Variants in LRRC4C observed in about 807,000 individuals in gnomAD.
LRRC4C encodes leucine-rich repeat-containing protein 4C.
In LRRC4C, 5 loss-of-function variants were observed where a neutral mutation model predicts 33.6. The ratio of observed to expected loss-of-function variants is 0.15; its 90% confidence interval spans 0.08 to 0.31. LRRC4C has a LOEUF of 0.31. Ranked by LOEUF, LRRC4C falls within the 10% of genes least tolerant of loss-of-function variation. The probability of loss-of-function intolerance (pLI) is 1.00; values close to 1 mark genes in which losing one functional copy is unlikely to be tolerated. For missense variants in LRRC4C, 560 were observed against 796.7 expected (o/e 0.70, Z 3.58); for synonymous variants, 329 against 302.0 (o/e 1.09, Z -0.93).
intron 2 of LRRC4C, among the ~76,000 whole-genome samples, chr11:40,808,344 C>T (rs73470894): frequency 0.011 from 1,657 of 151,844 alleles, 32 homozygotes; most frequent in African/African-American, 0.038. Context: ...TGTTCTCCAC[C>T]CCTACTTATT....
At chr11:40,689,992 G>C (rs1440549655) in intron 2 of LRRC4C, among the ~76,000 whole-genome samples, 2 of 152,058 alleles carry the variant, frequency 1.3e-5, no homozygotes, top group East Asian at 3.9e-4. Flanking sequence ...AACATTTGCT[G>C]ATTGTGCAAT....
At chr11:41,156,062 A>G (rs1326199602) in intron 1 of LRRC4C, among the ~76,000 whole-genome samples, 3 of 152,120 alleles carry the variant, frequency 2.0e-5, no homozygotes, top group African/African-American at 7.2e-5. Flanking sequence ...GTAGGATTTA[A>G]TGATCTGAAT....
chr11:40,865,452 T>C (rs1315491967), intron 2 of LRRC4C, among the ~76,000 whole-genome samples: 1 of 151,732 alleles, frequency 6.6e-6, no homozygotes, highest in Non-Finnish European at 1.5e-5. Context: ...ACCACAAAAA[T>C]GATGACTATA....
chr11:41,128,909 C>T (rs899706687), intron 1 of LRRC4C, among the ~76,000 whole-genome samples: 1 of 151,940 alleles, frequency 6.6e-6, no homozygotes, highest in African/African-American at 2.4e-5. Context: ...GATTACCACA[C>T]TTGTTTAACT....
At chr11:40,866,948 C>A (rs1288481256) in intron 2 of LRRC4C, among the ~76,000 whole-genome samples, 1 of 151,892 alleles carries the variant, frequency 6.6e-6, no homozygotes, top group Non-Finnish European at 1.5e-5. Context: ...TCCTTTTGTT[C>A]CTTCGTCTTT....
chr11:40,586,246 G>A (rs1958735465), intron 3 of LRRC4C, among the ~76,000 whole-genome samples: 1 of 151,744 alleles, frequency 6.6e-6, no homozygotes, highest in Non-Finnish European at 1.5e-5. Flanking sequence ...ATTTTTTCAT[G>A]TGTTTTTTGG....
chr11:41,211,500 C>T (rs1405352606), intron 1 of LRRC4C, among the ~76,000 whole-genome samples: 1 of 151,972 alleles, frequency 6.6e-6, no homozygotes, highest in Non-Finnish European at 1.5e-5. Context: ...CCACAACAGG[C>T]CCCAGTGTGT....
At chr11:41,245,245 TG>T (rs1193825309) in intron 1 of LRRC4C, among the ~76,000 whole-genome samples, 1 of 152,224 alleles carries the variant, frequency 6.6e-6, no homozygotes, top group African/African-American at 2.4e-5. Context: ...GCCTGAGTTT[TG>T]CTCGGCCTGC....
At chr11:41,303,899 C>T (rs372947851) in intron 1 of LRRC4C, among the ~76,000 whole-genome samples, 4 of 76,466 alleles carry the variant, frequency 5.2e-5, no homozygotes, top group South Asian at 5.3e-4. Context: ...AGCAGCTGCC[C>T]GGTCTGAGAA....
intron 3 of LRRC4C, among the ~76,000 whole-genome samples, chr11:40,583,340 C>T (rs1958562481): frequency 6.6e-6 from 1 of 152,156 alleles, no homozygotes; most frequent in Non-Finnish European, 1.5e-5. Flanking sequence ...AAGTGAAAAA[C>T]ATCAAGACAG....
At chr11:41,212,727 T>G (rs115409050) in intron 1 of LRRC4C, among the ~76,000 whole-genome samples, 2,873 of 152,286 alleles carry the variant, frequency 0.019, 92 homozygotes, top group African/African-American at 0.066. Context: ...AAGCTCCACT[T>G]ATGTCCCTGC....
intron 3 of LRRC4C, among the ~76,000 whole-genome samples, chr11:40,415,621 G>A (rs759523849): frequency 3.9e-5 from 6 of 152,156 alleles, no homozygotes; most frequent in Non-Finnish European, 8.8e-5. Context: ...TAGAAAAAGG[G>A]TAATGACATA....
rs528601742 is a variant in LRRC4C at position 40,412,254 on chromosome 11, C to T, written c.-269-92533G>A. On this transcript the variant is annotated intron_variant, in intron 3 of 6. Transcript: ENST00000528697. Reference sequence around the variant, plus strand: ...GGTACATAATAAGCTTTATTGTAAACAATTCCTTTTCTCTAAGGAATAGAA... The same window carrying T: ...GGTACATAATAAGCTTTATTGTAAATAATTCCTTTTCTCTAAGGAATAGAA... 1.1e-3 allele frequency among the ~76,000 whole-genome samples: 164 copies of T among 152,106 alleles called. 1 individual carries two copies. Among genetic ancestry groups the T allele is most frequent in the Admixed American group, 1.8e-3 (28 of 15,254 alleles).
intron 1 of LRRC4C, among the ~76,000 whole-genome samples, chr11:41,093,290 C>T (rs1002867851): frequency 2.6e-5 from 4 of 152,214 alleles, no homozygotes; most frequent in Admixed American, 6.5e-5. Flanking sequence ...GATTGTTCAT[C>T]AGCAGCATGT....
intron 1 of LRRC4C, among the ~76,000 whole-genome samples, chr11:41,449,293 T>C (rs1253949063): frequency 6.6e-6 from 1 of 151,872 alleles, no homozygotes; most frequent in African/African-American, 2.4e-5. Flanking sequence ...AAATATGAAG[T>C]TGAAGTAAAA....
intron 1 of LRRC4C, among the ~76,000 whole-genome samples, chr11:41,371,517 T>A (rs574372143): frequency 2.0e-5 from 3 of 152,264 alleles, no homozygotes; most frequent in Admixed American, 2.0e-4. Flanking sequence ...GGGACATTTA[T>A]CTTCAGGTAA....
At chr11:41,262,974 C>A (rs899918669) in intron 1 of LRRC4C, among the ~76,000 whole-genome samples, 1 of 152,052 alleles carries the variant, frequency 6.6e-6, no homozygotes, top group African/African-American at 2.4e-5. Context: ...CGCATGGCCT[C>A]TTAGTGTCAT....
At chr11:40,395,239 T>A (rs1044874959) in intron 3 of LRRC4C, among the ~76,000 whole-genome samples, 8 of 152,216 alleles carry the variant, frequency 5.3e-5, no homozygotes, top group Admixed American at 5.2e-4. Context: ...TGTGCATAGG[T>A]ATTTGGTGAT....
intron 1 of LRRC4C, among the ~76,000 whole-genome samples, chr11:41,435,413 G>T (rs1442001466): frequency 2.0e-5 from 3 of 152,098 alleles, no homozygotes; most frequent in Non-Finnish European, 4.4e-5. Context: ...ACCCTAGAAG[G>T]TCTCATAATC....
Sources: allele counts gnomAD v4.1 joint callset (sites outside exome capture counted in the v4.1 genomes callset), GRCh38; gene constraint gnomAD v4.1.1; transcripts MANE v1.5; gene names NCBI Gene and HGNC (gene_info 2026-07-23, HGNC 2026-07-21).